MARCHF1: variants seen among roughly 807,000 people sequenced by gnomAD.
MARCHF1 encodes the protein E3 ubiquitin-protein ligase MARCHF1.
In MARCHF1, 40 loss-of-function variants were observed where a neutral mutation model predicts 54.2. The ratio of observed to expected loss-of-function variants is 0.74; its 90% CI spans 0.57 to 0.96. The LOEUF is 0.96. Ranked by LOEUF, MARCHF1 falls within the 40% of genes least tolerant of loss-of-function variation. The pLI is 0.00. For synonymous variants in MARCHF1, 236 were observed against 236.3 expected (o/e 1.00, Z 0.01); for missense variants, 586 against 656.5 (o/e 0.89, Z 1.17).
At chr4:164,147,088 G>A (rs1308763967) in intron 1 of MARCHF1, among the ~76,000 whole-genome samples, 1 of 152,022 alleles carries the variant, frequency 6.6e-6, no homozygotes, top group Non-Finnish European at 1.5e-5. Flanking sequence ...CACCATCACT[G>A]GCCATCAGAG....
intron 1 of MARCHF1, among the ~76,000 whole-genome samples, chr4:164,332,619 C>CA (rs5863677): frequency 0.42 from 63,666 of 151,906 alleles, 14,021 homozygotes; most frequent in Non-Finnish European, 0.49. Context: ...TACTGCATTT[C>CA]AAATTTACTT....
intron 2 of MARCHF1, among the ~76,000 whole-genome samples, chr4:163,998,744 T>C (rs996321859): frequency 2.6e-5 from 4 of 151,770 alleles, no homozygotes; most frequent in Admixed American, 2.6e-4. Flanking sequence ...TTTATCTTAA[T>C]GTTCTCCAGC....
intron 2 of MARCHF1, among the ~76,000 whole-genome samples, chr4:164,063,648 T>C (rs1754667046): frequency 6.6e-6 from 1 of 152,228 alleles, no homozygotes. Context: ...TCTCTCAACT[T>C]CAACAAAAGT....
intron 4 of MARCHF1, among the ~76,000 whole-genome samples, chr4:163,809,935 A>T (rs1321419030): frequency 6.6e-6 from 1 of 152,150 alleles, no homozygotes; most frequent in Non-Finnish European, 1.5e-5. Context: ...AACTACCACA[A>T]AACTTTTTTT....
At chr4:163,879,253 A>T (rs1750361543) in intron 3 of MARCHF1, among the ~76,000 whole-genome samples, 1 of 152,178 alleles carries the variant, frequency 6.6e-6, no homozygotes, top group South Asian at 2.1e-4. Flanking sequence ...CAACTGAGGC[A>T]ATAAGAGGGA....
intron 1 of MARCHF1, among the ~76,000 whole-genome samples, chr4:164,339,724 G>A (rs1033424982): frequency 6.6e-6 from 1 of 152,026 alleles, no homozygotes; most frequent in Non-Finnish European, 1.5e-5. Context: ...GCACAGATCA[G>A]AAGAGAAATA....
At chr4:164,277,470 A>G (rs554803318) in intron 1 of MARCHF1, among the ~76,000 whole-genome samples, 1 of 152,300 alleles carries the variant, frequency 6.6e-6, no homozygotes, top group East Asian at 1.9e-4. Flanking sequence ...TAGCTTCTGT[A>G]TTTAAGCCAC....
At chr4:164,351,464 G>A (rs553863286) in intron 1 of MARCHF1, among the ~76,000 whole-genome samples, 2 of 151,074 alleles carry the variant, frequency 1.3e-5, no homozygotes. Context: ...CCTGACCCCC[G>A]AGCAGCCTAA....
At chr4:164,299,895 A>C (rs1387360504) in intron 1 of MARCHF1, among the ~76,000 whole-genome samples, 2 of 152,224 alleles carry the variant, frequency 1.3e-5, no homozygotes, top group African/African-American at 4.8e-5. Context: ...TTACACTTTT[A>C]AGACCTAAGT....
intron 1 of MARCHF1, among the ~76,000 whole-genome samples, chr4:164,318,860 T>A (rs1735066056): frequency 6.6e-6 from 1 of 152,222 alleles, no homozygotes; most frequent in Non-Finnish European, 1.5e-5. Flanking sequence ...AGAATACTAA[T>A]CTATATCATT....
intron 5 of MARCHF1, 140 bp downstream of exon 5, chr4:163,700,673 G>T: frequency 1.6e-6 from 1 of 637,568 alleles, no homozygotes; most frequent in East Asian, 2.8e-5. Flanking sequence ...TACAGTAAAA[G>T]CTTAAAAGAG....
intron 1 of MARCHF1, among the ~76,000 whole-genome samples, chr4:164,140,264 A>G (rs1425466563): frequency 2.2e-5 from 3 of 139,258 alleles, no homozygotes; most frequent in Admixed American, 7.2e-5. Flanking sequence ...TATAAATGAA[A>G]CTGACCCAAT....
chr4:164,206,818 A>T (rs1731619334), intron 1 of MARCHF1, among the ~76,000 whole-genome samples: 1 of 152,150 alleles, frequency 6.6e-6, no homozygotes, highest in Non-Finnish European at 1.5e-5. Flanking sequence ...ATTGGGAATT[A>T]GTCACTATAC....
chr4:164,371,659 G>A (rs1731040232), intron 1 of MARCHF1, among the ~76,000 whole-genome samples: 1 of 152,028 alleles, frequency 6.6e-6, no homozygotes, highest in African/African-American at 2.4e-5. Flanking sequence ...CACCAATGAG[G>A]GAAAACAATC....
At chr4:163,687,117 TG>T (rs776809030) in intron 5 of MARCHF1, among the ~76,000 whole-genome samples, 2 of 152,192 alleles carry the variant, frequency 1.3e-5, no homozygotes, top group Non-Finnish European at 2.9e-5. Context: ...TTAAAAATAT[TG>T]GAAATATCAA....
At chr4:164,112,280 A>G (rs1307920937) in intron 1 of MARCHF1, among the ~76,000 whole-genome samples, 1 of 151,800 alleles carries the variant, frequency 6.6e-6, no homozygotes, top group Non-Finnish European at 1.5e-5. Context: ...AACACCAACT[A>G]TTTTATCTCT....
rs1481952967 is a variant in MARCHF1 at position 163,730,669 on chromosome 4, TTTTTTA to T, written c.112-29812_112-29807del. Among the ~76,000 whole-genome samples the T allele has an allele frequency of 2.0e-5, 3 of 152,190 alleles. No homozygotes were observed. The East Asian group carries it at 5.8e-4, about 29-fold the overall frequency. On this transcript the variant is annotated intron_variant, in intron 4 of 9. Transcript: ENST00000514618. ...TGCCATGTTGGTGTGCTGCACCTAC[TTTTTTA>T]TTTTTATTTTTTGATTGTTGTAAGT...
At chr4:164,210,722 A>G (rs1477325285) in intron 1 of MARCHF1, among the ~76,000 whole-genome samples, 2 of 152,116 alleles carry the variant, frequency 1.3e-5, no homozygotes, top group Non-Finnish European at 2.9e-5. Context: ...CTGAGATGCA[A>G]TCAGAAAGGC....
chr4:163,740,247 C>T (rs1321247817), intron 4 of MARCHF1, among the ~76,000 whole-genome samples: 2 of 152,198 alleles, frequency 1.3e-5, no homozygotes, highest in East Asian at 1.9e-4. Flanking sequence ...CAGTGTAGGA[C>T]ACATGCTATT....
Sources: allele counts gnomAD v4.1 joint callset (sites outside exome capture counted in the v4.1 genomes callset), GRCh38; gene constraint gnomAD v4.1.1; transcripts MANE v1.5; gene names NCBI Gene and HGNC (gene_info 2026-07-23, HGNC 2026-07-21).